Variants in MICAL2 observed in about 807,000 individuals in gnomAD.
MICAL2 encodes the protein [F-actin]-monooxygenase MICAL2.
A neutral mutation model predicts 127.3 loss-of-function variants in MICAL2; 77 were observed. The ratio of observed to expected loss-of-function variants is 0.60; its 90% confidence interval spans 0.50 to 0.73. The LOEUF (loss-of-function observed/expected upper bound fraction) is 0.73, where lower values mean the gene tolerates loss of function less well. MICAL2 is among the 30% of genes least tolerant of loss of function. MICAL2 has a pLI of 0.00. For synonymous variants in MICAL2, 570 were observed against 551.1 expected (o/e 1.03, Z -0.48); for missense variants, 1,351 against 1,434.4 (o/e 0.94, Z 0.94).
intron 34 of MICAL2, among the ~76,000 whole-genome samples, chr11:12,355,407 A>C (rs1056271812): frequency 6.6e-6 from 1 of 152,230 alleles, no homozygotes; most frequent in Non-Finnish European, 1.5e-5. Flanking sequence ...CAAGGAGAGT[A>C]GAGATAAACT....
At chr11:12,341,869 A>G (rs78611911) in intron 32 of MICAL2, among the ~76,000 whole-genome samples, 2,913 of 152,282 alleles carry the variant, frequency 0.019, 122 homozygotes, top group African/African-American at 0.067. Flanking sequence ...TGACCTTTAC[A>G]TGCCAATCAT....
chr11:12,320,849 A>G (rs1864286684), intron 30 of MICAL2, among the ~76,000 whole-genome samples: 1 of 152,198 alleles, frequency 6.6e-6, no homozygotes, highest in Non-Finnish European at 1.5e-5. Context: ...AGAGAGAGAC[A>G]GAGAGAGTTG....
At chr11:12,172,381 A>G (rs1001486195) in intron 3 of MICAL2, among the ~76,000 whole-genome samples, 1 of 152,228 alleles carries the variant, frequency 6.6e-6, no homozygotes, top group African/African-American at 2.4e-5. Flanking sequence ...CAGGGTGTTC[A>G]TCAGCAGTCA....
At chr11:12,293,618 C>A (rs769060815), downstream of MICAL2, 1 of 1,614,044 alleles carries the variant, frequency 6.2e-7, no homozygotes, top group Non-Finnish European at 8.5e-7. Context: ...TCCTCCCACC[C>A]CAAACTTTCG....
At chr11:12,231,020 G>T (rs538665182) in intron 15 of MICAL2, among the ~76,000 whole-genome samples, 3 of 152,286 alleles carry the variant, frequency 2.0e-5, no homozygotes, top group Admixed American at 2.0e-4. Context: ...GTTCCTGGGG[G>T]CTCCAGGGCT....
chr11:12,207,962 C>A, intron 4 of MICAL2, 61 bp from the exon 5 acceptor site: 1 of 1,253,476 alleles, frequency 8.0e-7, no homozygotes, highest in Non-Finnish European at 1.2e-6. Flanking sequence ...ATGTAGCATT[C>A]TGCATATAGG....
chr11:12,356,027 A>G (rs1939122561), intron 34 of MICAL2, among the ~76,000 whole-genome samples: 1 of 152,216 alleles, frequency 6.6e-6, no homozygotes, highest in South Asian at 2.1e-4. Flanking sequence ...TTAATAAACC[A>G]TAGGTTCTAA....
At chr11:12,339,327 T>C (rs1047054527) in intron 32 of MICAL2, among the ~76,000 whole-genome samples, 1 of 152,240 alleles carries the variant, frequency 6.6e-6, no homozygotes, top group African/African-American at 2.4e-5. Context: ...TTCTCTTCAT[T>C]GATTATTCTA....
At chr11:12,320,990 G>C (rs1864288216) in intron 30 of MICAL2, among the ~76,000 whole-genome samples, 1 of 152,090 alleles carries the variant, frequency 6.6e-6, no homozygotes, top group Admixed American at 6.5e-5. Context: ...TCATCCCCTT[G>C]AATGACCCTG....
intron 29 of MICAL2, among the ~76,000 whole-genome samples, chr11:12,305,060 C>T (rs560597460): frequency 7.9e-5 from 12 of 152,202 alleles, no homozygotes; most frequent in East Asian, 1.9e-4. Context: ...ACAGGGGGTA[C>T]GTTCCAAGAC....
At chr11:12,294,815 C>T (rs1555018682), downstream of MICAL2, 2 of 1,508,538 alleles carry the variant, frequency 1.3e-6, no homozygotes, top group Non-Finnish European at 1.8e-6. Flanking sequence ...TCCTCCTCCT[C>T]CTCCTCCTCC....
intron 6 of MICAL2, among the ~76,000 whole-genome samples, chr11:12,211,662 G>A (rs1014619510): frequency 1.3e-5 from 2 of 152,178 alleles, no homozygotes; most frequent in African/African-American, 4.8e-5. Flanking sequence ...TTGAAAAGTG[G>A]CCATCTGTTG....
At chr11:12,260,405 T>C in intron 26 of MICAL2, 1 of 1,248,270 alleles carries the variant, frequency 8.0e-7, no homozygotes, top group Non-Finnish European at 1.0e-6. Context: ...TTGTGAGCCA[T>C]ACTTCTGGGT....
At chr11:12,260,915 TC>T in intron 26 of MICAL2, 1 of 985,466 alleles carries the variant, frequency 1.0e-6, no homozygotes, top group Non-Finnish European at 1.2e-6. Flanking sequence ...CATTTTCCCT[TC>T]CCACTAATGG....
chr11:12,138,154 G>C lies in MICAL2; in HGVS notation c.-148-236G>C, dbSNP rs539584911. Among the ~76,000 whole-genome samples the C allele has an allele frequency of 2.6e-5, 4 of 152,030 alleles. No homozygotes were observed. In the South Asian group the frequency reaches 8.3e-4, roughly 32 times the overall value. ...TGTGTAGAGATCTGATAAGCCCTTAGGGTGCCCTGACTGCAGCCAACAATA... is the reference window on the plus strand; with the variant it reads ...TGTGTAGAGATCTGATAAGCCCTTACGGTGCCCTGACTGCAGCCAACAATA... On this transcript the variant is annotated intron_variant, in intron 1 of 27. Transcript: ENST00000683283.
intron 25 of MICAL2, 177 bp from the exon 26 acceptor site, chr11:12,259,618 G>A: frequency 1.9e-6 from 1 of 515,490 alleles, no homozygotes; most frequent in Non-Finnish European, 3.4e-6. Context: ...TGGTCAGTTG[G>A]CCCCTAGAAA....
chr11:12,150,719 C>T (rs746914987), intron 2 of MICAL2, among the ~76,000 whole-genome samples: 2 of 152,124 alleles, frequency 1.3e-5, no homozygotes, highest in Non-Finnish European at 2.9e-5. Flanking sequence ...GACGCAGTGC[C>T]ATTTAGATAC....
At chr11:12,239,353 C>CT (rs1859545989) in intron 16 of MICAL2, 83 bp from the exon 17 acceptor site, 2 of 1,586,230 alleles carry the variant, frequency 1.3e-6, no homozygotes, top group Non-Finnish European at 1.7e-6. Context: ...GGAAGCTAGT[C>CT]CCACGTCCTG....
intron 1 of MICAL2, among the ~76,000 whole-genome samples, chr11:12,120,563 G>T (rs1435484404): frequency 1.3e-5 from 2 of 152,192 alleles, no homozygotes; most frequent in Non-Finnish European, 2.9e-5. Flanking sequence ...CACAGTAGGG[G>T]GGAACCAGGG....
Sources: allele counts gnomAD v4.1 joint callset (sites outside exome capture counted in the v4.1 genomes callset), GRCh38; gene constraint gnomAD v4.1.1; transcripts MANE v1.5; gene names NCBI Gene and HGNC (gene_info 2026-07-23, HGNC 2026-07-21).